The following KCNN2 variants were observed in gnomAD, a reference collection of about 807,000 sequenced individuals.
The protein encoded by KCNN2 is small conductance calcium-activated potassium channel protein 2.
Under a neutral mutation model 55.5 loss-of-function variants are expected in KCNN2, and 24 were observed. That is an observed-to-expected ratio of 0.43 (90% CI 0.31 to 0.61). The LOEUF (loss-of-function observed/expected upper bound fraction) is 0.61. Among genes scored for constraint, KCNN2 ranks in the 20% least tolerant of loss-of-function variants. The pLI is 0.08. For missense variants in KCNN2, 754 were observed against 853.6 expected (o/e 0.88, Z 1.45); for synonymous variants, 431 against 336.1 (o/e 1.28, Z -3.09).
chr5:114,279,466 A>G (rs546064560), intron 2 of KCNN2, among the ~76,000 whole-genome samples: 3 of 152,134 alleles, frequency 2.0e-5, no homozygotes, highest in African/African-American at 7.2e-5. Flanking sequence ...CCACCCCACA[A>G]CAGGCCCCAG....
At chr5:114,480,725 T>A (rs1434567942) in intron 5 of KCNN2, among the ~76,000 whole-genome samples, 1 of 152,270 alleles carries the variant, frequency 6.6e-6, no homozygotes, top group Non-Finnish European at 1.5e-5. Flanking sequence ...TGCAAATCAA[T>A]AAATGTGATT....
At chr5:114,178,569 C>T (rs1226555209) in intron 1 of KCNN2, among the ~76,000 whole-genome samples, 1 of 152,186 alleles carries the variant, frequency 6.6e-6, no homozygotes, top group Non-Finnish European at 1.5e-5. Flanking sequence ...GTTTATTTCC[C>T]TTGCAATAGG....
chr5:114,173,537 G>C (rs1395015622), intron 1 of KCNN2, among the ~76,000 whole-genome samples: 4 of 149,082 alleles, frequency 2.7e-5, no homozygotes. Flanking sequence ...GAATGTCATT[G>C]GTATTTTGAT....
chr5:114,452,679 T>C (rs921591328), intron 3 of KCNN2, among the ~76,000 whole-genome samples: 1 of 152,112 alleles, frequency 6.6e-6, no homozygotes, highest in Non-Finnish European at 1.5e-5. Flanking sequence ...GCTTCATTGT[T>C]TACGGATGGG....
intron 2 of KCNN2, among the ~76,000 whole-genome samples, chr5:114,239,571 T>C (rs1210014446): frequency 6.6e-6 from 1 of 152,208 alleles, no homozygotes; most frequent in East Asian, 1.9e-4. Context: ...TCTTTATCAG[T>C]TGGAGGAACA....
chr5:114,213,111 C>A (rs1306404918), intron 1 of KCNN2, among the ~76,000 whole-genome samples: 2 of 151,944 alleles, frequency 1.3e-5, no homozygotes, highest in Non-Finnish European at 2.9e-5. Context: ...TTTTGGTCCT[C>A]TAGCTCTCAA....
intron 1 of KCNN2, among the ~76,000 whole-genome samples, chr5:114,098,398 A>G (rs1751306457): frequency 6.6e-6 from 1 of 151,926 alleles, no homozygotes; most frequent in Non-Finnish European, 1.5e-5. Context: ...ACCAGGCTGC[A>G]TGGCAAAAAG....
chr5:114,410,027 A>G (rs1759081634), intron 3 of KCNN2, among the ~76,000 whole-genome samples: 1 of 152,178 alleles, frequency 6.6e-6, no homozygotes, highest in Non-Finnish European at 1.5e-5. Context: ...CTTTGTGTTA[A>G]GGTAGGCATC....
intron 2 of KCNN2, among the ~76,000 whole-genome samples, chr5:114,282,561 T>C (rs907880417): frequency 1.9e-4 from 29 of 152,160 alleles, no homozygotes; most frequent in Admixed American, 1.2e-3. Context: ...TGTAAAGATT[T>C]ATGGCTGTTG....
chr5:114,487,190 T>G lies in KCNN2; in HGVS notation c.2018+13T>G. On this transcript the variant is annotated intron_variant, in intron 6 of 7. Transcript: ENST00000673685. ...AAGCTATTCATCAGTAAGTATCATT[T>G]TTCATTTTTATCCTGTTGTTGTGTC... The G allele has an allele frequency of 6.2e-7, 1 of 1,611,276 alleles. No homozygotes were observed. Among genetic ancestry groups the G allele is most frequent in the South Asian group, 1.1e-5 (1 of 90,930 alleles).
At chr5:114,490,053 T>G (rs1480365445) in intron 6 of KCNN2, among the ~76,000 whole-genome samples, 1 of 152,206 alleles carries the variant, frequency 6.6e-6, no homozygotes, top group Non-Finnish European at 1.5e-5. Context: ...CTCTTTTCAG[T>G]AATTGTCTTT....
At chr5:114,289,764 C>A (rs1001783536) in intron 2 of KCNN2, among the ~76,000 whole-genome samples, 2 of 152,062 alleles carry the variant, frequency 1.3e-5, no homozygotes, top group African/African-American at 4.8e-5. Flanking sequence ...GCTAGTATTG[C>A]CATCTTAACA....
At chr5:114,373,411 A>G (rs1757824482) in intron 2 of KCNN2, among the ~76,000 whole-genome samples, 1 of 151,338 alleles carries the variant, frequency 6.6e-6, no homozygotes, top group Non-Finnish European at 1.5e-5. Flanking sequence ...TAAAAGTGTG[A>G]TTTCTGACAA....
At chr5:114,192,579 A>G (rs183879705) in intron 1 of KCNN2, among the ~76,000 whole-genome samples, 1 of 152,202 alleles carries the variant, frequency 6.6e-6, no homozygotes, top group African/African-American at 2.4e-5. Context: ...GTAAGACCTT[A>G]TGCTTCTGAG....
At chr5:114,110,357 C>A (rs35525809) in intron 1 of KCNN2, among the ~76,000 whole-genome samples, 25,428 of 151,920 alleles carry the variant, frequency 0.17, 2,217 homozygotes, top group Middle Eastern at 0.22. Flanking sequence ...AAACATAGAT[C>A]TCAGGACTAA....
At chr5:114,065,830 C>T (rs540222612) in intron 1 of KCNN2, among the ~76,000 whole-genome samples, 7 of 121,962 alleles carry the variant, frequency 5.7e-5, no homozygotes, top group African/African-American at 1.6e-4. Context: ...GAGCTTTTAG[C>T]TATTCTCCTA....
At chr5:114,406,281 A>AT (rs1031243972) in intron 3 of KCNN2, among the ~76,000 whole-genome samples, 3 of 149,170 alleles carry the variant, frequency 2.0e-5, no homozygotes, top group African/African-American at 7.4e-5. Context: ...CTGCATCTAG[A>AT]TTTTTTGTTG....
At chr5:114,438,863 C>T (rs1760107706) in intron 3 of KCNN2, among the ~76,000 whole-genome samples, 1 of 152,188 alleles carries the variant, frequency 6.6e-6, no homozygotes, top group South Asian at 2.1e-4. Context: ...TAGAGAATCT[C>T]TTTCTACAGA....
intron 2 of KCNN2, among the ~76,000 whole-genome samples, chr5:114,396,169 T>A (rs967939307): frequency 6.6e-6 from 1 of 152,178 alleles, no homozygotes; most frequent in Admixed American, 6.5e-5. Flanking sequence ...CTTTCTTTTA[T>A]TGCTCCCACA....
Sources: allele counts gnomAD v4.1 joint callset (sites outside exome capture counted in the v4.1 genomes callset), GRCh38; gene constraint gnomAD v4.1.1; transcripts MANE v1.5; gene names NCBI Gene and HGNC (gene_info 2026-07-23, HGNC 2026-07-21).